The following NTM variants were observed in gnomAD, a reference collection of about 807,000 sequenced individuals.
NTM encodes neurotrimin, also known as IgLON family member 2.
NTM carries 13 observed loss-of-function variants against 42.1 expected under a neutral mutation model. The ratio of observed to expected loss-of-function variants is 0.31; its 90% CI spans 0.20 to 0.49. NTM has a LOEUF of 0.49. NTM is among the 20% of genes least tolerant of loss of function. The pLI, the probability that NTM is intolerant of heterozygous loss-of-function variation, is 0.99. For synonymous variants in NTM, 187 were observed against 179.2 expected, an observed-to-expected ratio of 1.04 and a Z score of -0.35; for missense variants, 373 against 452.8, an observed-to-expected ratio of 0.82 and a Z score of 1.60.
intron 1 of NTM, among the ~76,000 whole-genome samples, chr11:131,790,044 G>C (rs996707947): frequency 6.7e-6 from 1 of 150,222 alleles, no homozygotes. Flanking sequence ...AAGTGTCACT[G>C]TTGAGACTCA....
intron 2 of NTM, among the ~76,000 whole-genome samples, chr11:131,976,808 G>A (rs931366844): frequency 1.3e-5 from 2 of 152,180 alleles, no homozygotes; most frequent in African/African-American, 2.4e-5. Flanking sequence ...GCATCTCAGC[G>A]AAAGTGCTAC....
chr11:131,567,866 G>A (rs965084243), intron 1 of NTM, among the ~76,000 whole-genome samples: 8 of 152,200 alleles, frequency 5.3e-5, no homozygotes, highest in Non-Finnish European at 8.8e-5. Context: ...TGGGTTCCCA[G>A]GGACCCAAAT....
chr11:131,872,354 A>C (rs1315383538), intron 1 of NTM, among the ~76,000 whole-genome samples: 1 of 152,172 alleles, frequency 6.6e-6, no homozygotes, highest in African/African-American at 2.4e-5. Context: ...CATACTGAGG[A>C]ATACTTAGAT....
intron 2 of NTM, among the ~76,000 whole-genome samples, chr11:132,066,765 G>A (rs888396078): frequency 6.6e-5 from 10 of 151,972 alleles, no homozygotes; most frequent in Non-Finnish European, 1.3e-4. Context: ...CTTCTTTCTT[G>A]CTCTGTTATG....
intron 2 of NTM, among the ~76,000 whole-genome samples, chr11:132,095,806 G>C (rs35043878): frequency 0.67 from 102,203 of 151,770 alleles, 34,863 homozygotes; most frequent in Middle Eastern, 0.75. Context: ...TTAACCTGGG[G>C]TGCTTCAAAA....
chr11:131,741,605 G>T (rs2081213664), intron 1 of NTM, among the ~76,000 whole-genome samples: 1 of 152,140 alleles, frequency 6.6e-6, no homozygotes, highest in Non-Finnish European at 1.5e-5. Context: ...CAATTTGTTT[G>T]TAAGTGGAAT....
chr11:131,644,605 A>G (rs1380878147), intron 1 of NTM, among the ~76,000 whole-genome samples: 3 of 152,234 alleles, frequency 2.0e-5, no homozygotes, highest in Non-Finnish European at 2.9e-5. Flanking sequence ...GCAGGAATTG[A>G]GAAATCCTTT....
chr11:131,384,598 G>A (rs1482719520), intron 1 of NTM, among the ~76,000 whole-genome samples: 1 of 152,106 alleles, frequency 6.6e-6, no homozygotes, highest in Non-Finnish European at 1.5e-5. Flanking sequence ...ATGGGCAGGG[G>A]CCAGGGAAGG....
At chr11:132,039,457 A>G (rs1204294052) in intron 2 of NTM, among the ~76,000 whole-genome samples, 3 of 149,226 alleles carry the variant, frequency 2.0e-5, no homozygotes, top group East Asian at 2.0e-4. Context: ...GGGTCTTACA[A>G]TGATGCTCAG....
At chr11:131,404,548 TACTGGTG>T (rs983207900) in intron 1 of NTM, among the ~76,000 whole-genome samples, 8 of 152,316 alleles carry the variant, frequency 5.3e-5, no homozygotes, top group Admixed American at 3.9e-4. Context: ...GACCTCTATA[TACTGGTG>T]ACTGCCAATT....
chr11:132,282,352 T>C (rs1395430281), intron 4 of NTM, among the ~76,000 whole-genome samples: 1 of 152,242 alleles, frequency 6.6e-6, no homozygotes, highest in African/African-American at 2.4e-5. Flanking sequence ...GGGAATAGCT[T>C]GTGTCTGGAA....
intron 1 of NTM, among the ~76,000 whole-genome samples, chr11:131,550,846 T>C (rs1363332780): frequency 6.6e-6 from 1 of 152,084 alleles, no homozygotes; most frequent in Admixed American, 6.5e-5. Flanking sequence ...TTTAAAAAAA[T>C]ACCCTCAAAA....
chr11:132,331,161 G>GA (rs1236303858), intron 8 of NTM, among the ~76,000 whole-genome samples: 7 of 152,240 alleles, frequency 4.6e-5, no homozygotes, highest in Admixed American at 3.3e-4. Flanking sequence ...ATAGTGGGAA[G>GA]ATAGTTGCAT....
intron 1 of NTM, chr11:131,896,932 C>G (rs1300757000): frequency 1.3e-5 from 2 of 152,236 alleles, no homozygotes; most frequent in African/African-American, 4.8e-5. Context: ...TCGTGATCCG[C>G]CCACCTGGGT....
At chr11:132,248,833 A>G (rs568746836) in intron 4 of NTM, among the ~76,000 whole-genome samples, 60 of 152,338 alleles carry the variant, frequency 3.9e-4, no homozygotes, top group Non-Finnish European at 5.4e-4. Context: ...TGCACTGCCA[A>G]TCACCATTCA....
At chr11:131,615,569 C>A (rs889091384) in intron 1 of NTM, among the ~76,000 whole-genome samples, 2 of 152,088 alleles carry the variant, frequency 1.3e-5, no homozygotes, top group Admixed American at 6.5e-5. Context: ...GGGATTTGAT[C>A]TTGTTGGCCA....
At chr11:131,442,944 C>A (rs950324525) in intron 1 of NTM, among the ~76,000 whole-genome samples, 4 of 152,070 alleles carry the variant, frequency 2.6e-5, no homozygotes, top group African/African-American at 9.7e-5. Flanking sequence ...TAAACACACA[C>A]GTGCAGGTAT....
At chr11:131,663,584 A>AG in intron 1 of NTM, 1 of 152,370 alleles carries the variant, frequency 6.6e-6, no homozygotes, top group South Asian at 2.1e-4. Context: ...AGTGAGTGCG[A>AG]GGGGGACTGT....
intron 1 of NTM, among the ~76,000 whole-genome samples, chr11:131,487,693 A>C (rs1364885984): frequency 1.3e-5 from 2 of 152,208 alleles, no homozygotes; most frequent in African/African-American, 2.4e-5. Flanking sequence ...GGAGACACTC[A>C]GTGGTTTGTA....
Sources: allele counts gnomAD v4.1 joint callset (sites outside exome capture counted in the v4.1 genomes callset), GRCh38; gene constraint gnomAD v4.1.1; transcripts MANE v1.5; gene names NCBI Gene and HGNC (gene_info 2026-07-23, HGNC 2026-07-21).